Variants in LRRTM3 observed in about 807,000 individuals in gnomAD.
LRRTM3 encodes the protein leucine-rich repeat transmembrane neuronal protein 3.
LRRTM3 carries 24 observed loss-of-function variants against 44.7 expected under a neutral mutation model. The ratio of observed to expected loss-of-function variants is 0.54; its 90% CI spans 0.39 to 0.76. LRRTM3 has a LOEUF of 0.76. Among genes scored for constraint, LRRTM3 ranks in the 30% least tolerant of loss-of-function variants. LRRTM3 has a pLI of 0.00. For missense variants in LRRTM3, 587 were observed against 702.2 expected, an observed-to-expected ratio of 0.84 and a Z score of 1.85; for synonymous variants, 277 against 278.7, an observed-to-expected ratio of 0.99 and a Z score of 0.06.
chr10:67,024,495 A>G (rs1853229431), intron 2 of LRRTM3, among the ~76,000 whole-genome samples: 1 of 152,178 alleles, frequency 6.6e-6, no homozygotes, highest in African/African-American at 2.4e-5. Context: ...GGAAGTAAAC[A>G]TCTTTGGTGG....
intron 2 of LRRTM3, among the ~76,000 whole-genome samples, chr10:66,942,634 C>T (rs1401053987): frequency 6.6e-6 from 1 of 151,268 alleles, no homozygotes; most frequent in Non-Finnish European, 1.5e-5. Flanking sequence ...CTCTCTCTTT[C>T]CCTTTTTTCT....
At chr10:66,969,038 A>T (rs11594075) in intron 2 of LRRTM3, among the ~76,000 whole-genome samples, 34,275 of 151,780 alleles carry the variant, frequency 0.23, 4,388 homozygotes, top group South Asian at 0.3. Context: ...ATAAATAAAC[A>T]AATATTATAT....
rs74141741 is a variant in LRRTM3 at position 66,956,427 on chromosome 10, T to C, written c.1536+27975T>C. ...ATTGACCCTGTAAAACCAACTGATA[T>C]CCAGAGTTAACTGGCTTGCAGAGCT... On this transcript the variant is annotated intron_variant, in intron 2 of 2. Transcript: ENST00000361320. 8.1e-3 allele frequency among the ~76,000 whole-genome samples: 1,235 copies of C among 152,072 alleles called. 16 individuals are homozygous for C. Among genetic ancestry groups the C allele is most frequent in the African/African-American group, 0.028 (1,179 of 41,470 alleles).
At chr10:66,946,711 T>C (rs972389797) in intron 2 of LRRTM3, among the ~76,000 whole-genome samples, 1 of 152,132 alleles carries the variant, frequency 6.6e-6, no homozygotes, top group African/African-American at 2.4e-5. Context: ...TTCTTGAGTG[T>C]AGTTGTAGAA....
At chr10:67,056,949 G>A (rs60792515) in intron 2 of LRRTM3, among the ~76,000 whole-genome samples, 3,163 of 152,242 alleles carry the variant, frequency 0.021, 86 homozygotes, top group African/African-American at 0.072. Flanking sequence ...AAAAGAGTGG[G>A]AACTGACTGA....
intron 2 of LRRTM3, among the ~76,000 whole-genome samples, chr10:67,035,507 G>A (rs1317002562): frequency 6.6e-6 from 1 of 152,046 alleles, no homozygotes; most frequent in African/African-American, 2.4e-5. Flanking sequence ...AAGAATATAG[G>A]AGAAAGTTTA....
Position 66,927,245 on chromosome 10 carries a change from G to T in LRRTM3, c.329G>T (p.Arg110Ile). 2 of 1,614,074 alleles carry T rather than the reference G, an allele frequency of 1.2e-6. No homozygotes were observed. Among genetic ancestry groups the T allele is most frequent in the Non-Finnish European group, 1.7e-6 (2 of 1,180,030 alleles). ...GAAAATGCTTTTAATGGAATACGCA[G>T]ACTCAAAGAGCTGATTCTTAGTTCC... ...IDENAFNGIRRLKELILSSNR... is the reference protein window; with the variant it reads ...IDENAFNGIRILKELILSSNR... The change falls in exon 2 of 3, where the codon AGA becomes ATA. Residue 110 changes from arginine (R) to isoleucine (I), a missense_variant. By Grantham distance (97) the Arg-to-Ile change is moderately conservative. This residue lies in a region of LRRTM3 where 222 missense variants were observed against 323.3 expected (regional missense o/e 0.69). Transcript: ENST00000361320. This position sits in a 1 kb window ranked among gnomAD's most constrained non-coding sequence, Gnocchi z 4.7.
intron 2 of LRRTM3, among the ~76,000 whole-genome samples, chr10:66,994,411 C>T (rs1851214365): frequency 6.6e-6 from 1 of 152,164 alleles, no homozygotes; most frequent in Non-Finnish European, 1.5e-5. Context: ...TGGAATGAAG[C>T]TCAGTGTGAG....
intron 2 of LRRTM3, among the ~76,000 whole-genome samples, chr10:66,956,725 A>G (rs1848809785): frequency 6.6e-6 from 1 of 152,094 alleles, no homozygotes; most frequent in Non-Finnish European, 1.5e-5. Context: ...AAGCATCTGT[A>G]TTTTTCCAAA....
rs200005091 is a variant in LRRTM3 at position 67,043,132 on chromosome 10, TTTC to T, written c.1537-54452_1537-54450del. On this transcript the variant is annotated intron_variant, in intron 2 of 2. Transcript: ENST00000361320. ...ATTTCATGCCTCAAGGCTCACTTTC[TTTC>T]TTTTTTTTTTTTTTTTTCTGTGCAA... is the stretch of plus-strand genomic sequence containing the variant. 5.6e-3 allele frequency among the ~76,000 whole-genome samples: 302 copies of T among 53,596 alleles called. 10 individuals are homozygous for T. Among genetic ancestry groups the T allele is most frequent in the African/African-American group, 8.3e-3 (194 of 23,276 alleles). The allele number at this position is 53,596 out of a possible 152,430, so 35.2% of individuals were successfully genotyped here.
Position 67,086,665 on chromosome 10 carries a change from A to T in LRRTM3, c.1537-10922A>T, listed in dbSNP as rs117999422. 3.1e-3 allele frequency among the ~76,000 whole-genome samples: 468 copies of T among 152,092 alleles called. 5 individuals are homozygous for T. The highest frequency in any genetic ancestry group is 7.3e-3 in the East Asian group (38 of 5,172). Reference sequence around the variant, plus strand: ...CAAGTGGGCTATTAGAAGTCATGAGACACACACACAAACATAAATGCCAAT... The same window carrying T: ...CAAGTGGGCTATTAGAAGTCATGAGTCACACACACAAACATAAATGCCAAT... On this transcript the variant is annotated intron_variant, in intron 2 of 2. Transcript: ENST00000361320.
chr10:67,064,648 T>C (rs1036643632), intron 2 of LRRTM3, among the ~76,000 whole-genome samples: 10 of 152,116 alleles, frequency 6.6e-5, no homozygotes, highest in Admixed American at 5.2e-4. Context: ...AAAGAAAAAA[T>C]ATTTTTTAAG....
At chr10:67,078,313 G>A (rs1856840983) in intron 2 of LRRTM3, among the ~76,000 whole-genome samples, 2 of 152,072 alleles carry the variant, frequency 1.3e-5, no homozygotes, top group Admixed American at 1.3e-4. Flanking sequence ...AACTGGCCAA[G>A]GTACAGTGTC....
intron 2 of LRRTM3, among the ~76,000 whole-genome samples, chr10:66,938,542 T>C (rs1365972430): frequency 1.3e-5 from 2 of 152,178 alleles, no homozygotes; most frequent in Non-Finnish European, 2.9e-5. Flanking sequence ...GGCATCTTCA[T>C]GTTGAGTAGG....
At chr10:66,953,188 C>G (rs946916960) in intron 2 of LRRTM3, among the ~76,000 whole-genome samples, 3 of 152,152 alleles carry the variant, frequency 2.0e-5, no homozygotes, top group Non-Finnish European at 4.4e-5. Context: ...TTAGTTCCCT[C>G]AAGATCTTTC....
intron 2 of LRRTM3, among the ~76,000 whole-genome samples, chr10:67,065,200 C>A (rs1473129533): frequency 6.6e-6 from 1 of 152,146 alleles, no homozygotes; most frequent in Non-Finnish European, 1.5e-5. Flanking sequence ...GTATTTGACA[C>A]ATATCGGGAG....
chr10:66,958,025 A>G (rs1166050021), intron 2 of LRRTM3, among the ~76,000 whole-genome samples: 1 of 152,052 alleles, frequency 6.6e-6, no homozygotes, highest in African/African-American at 2.4e-5. Context: ...ACATAGAACT[A>G]GAGGGGCCAA....
intron 2 of LRRTM3, among the ~76,000 whole-genome samples, chr10:66,979,949 C>G (rs917486058): frequency 6.6e-6 from 1 of 152,166 alleles, no homozygotes; most frequent in Admixed American, 6.5e-5. Context: ...ACTGTTGGAA[C>G]ACCAGGGGGT....
At chr10:67,003,920 C>T (rs1851822061) in intron 2 of LRRTM3, among the ~76,000 whole-genome samples, 1 of 152,108 alleles carries the variant, frequency 6.6e-6, no homozygotes, top group South Asian at 2.1e-4. Flanking sequence ...ATACCTTGCA[C>T]ATGTTTTTTA....
Sources: allele counts gnomAD v4.1 joint callset (sites outside exome capture counted in the v4.1 genomes callset), GRCh38; gene constraint gnomAD v4.1.1; regional missense constraint gnomAD v4.1.1; non-coding constraint Gnocchi (gnomAD v3.1); transcripts MANE v1.5; gene names NCBI Gene and HGNC (gene_info 2026-07-23, HGNC 2026-07-21).